The following RABGEF1 variants were observed in gnomAD, a reference collection of about 807,000 sequenced individuals.
RABGEF1 encodes the protein rab5 GDP/GTP exchange factor.
RABGEF1 carries 26 observed loss-of-function variants against 57.3 expected under a neutral mutation model. The observed-to-expected ratio is 0.45, with a 90% CI of 0.33 to 0.63. RABGEF1 has a LOEUF of 0.63. RABGEF1 is among the 20% of genes least tolerant of loss of function. RABGEF1 has a pLI of 0.02. For synonymous variants in RABGEF1, 185 were observed against 210.7 expected, an observed-to-expected ratio of 0.88 and a Z score of 1.06; for missense variants, 464 against 607.6, an observed-to-expected ratio of 0.76 and a Z score of 2.48.
At chr7:66,793,494 G>A (rs544453721) in intron 4 of RABGEF1, among the ~76,000 whole-genome samples, 4 of 151,968 alleles carry the variant, frequency 2.6e-5, no homozygotes, top group East Asian at 1.9e-4. Flanking sequence ...TTTATTTTTG[G>A]GTTAGGAATG....
intron 4 of RABGEF1, among the ~76,000 whole-genome samples, chr7:66,791,093 A>AT (rs1476916378): frequency 3.3e-5 from 5 of 152,228 alleles, no homozygotes; most frequent in Non-Finnish European, 7.3e-5. Context: ...GCTAAAAATA[A>AT]TTTCATGATG....
At chr7:66,679,255 G>C (rs1325896875), upstream of RABGEF1, among the ~76,000 whole-genome samples, 1 of 152,136 alleles carries the variant, frequency 6.6e-6, no homozygotes, top group Non-Finnish European at 1.5e-5. Context: ...CTTTTATTCA[G>C]GTCACCTCAC....
intron 1 of RABGEF1, among the ~76,000 whole-genome samples, chr7:66,745,819 G>A (rs1200431877): frequency 6.6e-6 from 1 of 151,788 alleles, no homozygotes; most frequent in East Asian, 1.9e-4. Context: ...TTTCAGGCTG[G>A]TGCAGTGGCT....
chr7:66,745,263 T>TA (rs961817184), intron 1 of RABGEF1, among the ~76,000 whole-genome samples: 1 of 152,218 alleles, frequency 6.6e-6, no homozygotes, highest in African/African-American at 2.4e-5. Flanking sequence ...TCTGTTTACT[T>TA]ATGTGAGTCT....
At chr7:66,736,325 T>C (rs1797939104), upstream of RABGEF1, among the ~76,000 whole-genome samples, 1 of 152,198 alleles carries the variant, frequency 6.6e-6, no homozygotes, top group African/African-American at 2.4e-5. Flanking sequence ...AATGTTCCTT[T>C]AGCAAAAGTC....
chr7:66,763,149 C>T (rs1485485301), intron 1 of RABGEF1, among the ~76,000 whole-genome samples: 4 of 152,202 alleles, frequency 2.6e-5, no homozygotes, highest in Non-Finnish European at 5.9e-5. Flanking sequence ...AGGCGTGAGC[C>T]ATTGCCCCTA....
the RABGEF1 span, among the ~76,000 whole-genome samples, chr7:66,670,433 ATTTTTTTTTTTTTTT>A: frequency 1.0e-4 from 12 of 116,054 alleles, no homozygotes; most frequent in South Asian, 3.2e-4. Flanking sequence ...GAATGAGATG[ATTTTTTTTTTTTTTT>A]TTTTTTTTTT....
intron 1 of RABGEF1, among the ~76,000 whole-genome samples, chr7:66,686,798 T>C (rs948027360): frequency 1.3e-5 from 2 of 151,984 alleles, no homozygotes; most frequent in African/African-American, 4.8e-5. Flanking sequence ...AGTCTAATTT[T>C]TATTTATAGT....
chr7:66,673,057 C>T, the RABGEF1 span, among the ~76,000 whole-genome samples: 93,988 of 122,910 alleles, frequency 0.76, 36,749 homozygotes, highest in African/African-American at 0.89. Flanking sequence ...TGGGGAGGGG[C>T]TCTGGGTTTG....
intron 4 of RABGEF1, among the ~76,000 whole-genome samples, chr7:66,794,427 A>T (rs1205990604): frequency 4.6e-5 from 7 of 151,846 alleles, no homozygotes; most frequent in Non-Finnish European, 1.0e-4. Flanking sequence ...GAGCACTGGG[A>T]TTACAGTTAT....
intron 2 of RABGEF1, among the ~76,000 whole-genome samples, chr7:66,728,573 C>T (rs1228520718): frequency 4.1e-5 from 2 of 49,312 alleles, no homozygotes; most frequent in Non-Finnish European, 8.0e-5. Context: ...TCCACCATCA[C>T]CTCCATCCTT....
At chr7:66,807,830 T>C (rs983774263) in intron 8 of RABGEF1, 4 of 152,202 alleles carry the variant, frequency 2.6e-5, no homozygotes, top group African/African-American at 9.7e-5. Flanking sequence ...TTTATTCCTT[T>C]TTTCTAGAGA....
At chr7:66,701,561 T>A (rs1043500225) in intron 1 of RABGEF1, among the ~76,000 whole-genome samples, 1 of 149,154 alleles carries the variant, frequency 6.7e-6, no homozygotes, top group Non-Finnish European at 1.5e-5. Flanking sequence ...CAGGCTGGAG[T>A]GCAATGGTGT....
the RABGEF1 span, among the ~76,000 whole-genome samples, chr7:66,673,801 C>CT: frequency 4.0e-4 from 61 of 151,812 alleles, no homozygotes; most frequent in African/African-American, 1.3e-3. Context: ...GACACTTGAG[C>CT]CCAGGAGTTA....
intron 4 of RABGEF1, among the ~76,000 whole-genome samples, chr7:66,790,556 C>T (rs929355882): frequency 1.3e-5 from 2 of 152,220 alleles, no homozygotes; most frequent in African/African-American, 2.4e-5. Flanking sequence ...GCATGGGCAG[C>T]CCCTTAGCGC....
intron 1 of RABGEF1, among the ~76,000 whole-genome samples, chr7:66,686,082 C>G (rs1043633132): frequency 1.3e-5 from 2 of 152,046 alleles, no homozygotes; most frequent in African/African-American, 4.8e-5. Context: ...AGTTAGAGAC[C>G]AGCCTGGATC....
At chr7:66,798,197 C>T (rs1206854215) in intron 6 of RABGEF1, among the ~76,000 whole-genome samples, 1 of 152,176 alleles carries the variant, frequency 6.6e-6, no homozygotes, top group Non-Finnish European at 1.5e-5. Context: ...CTAGTCACAT[C>T]TTTCACTGGC....
rs1802927365 is a variant in RABGEF1, at chr7:66,757,166, G to A, written c.-17-14717G>A. Among the ~76,000 whole-genome samples, 2 of 152,122 alleles carry A rather than the reference G, an allele frequency of 1.3e-5. 1 individual carries two copies. Among genetic ancestry groups the A allele is most frequent in the South Asian group, 4.1e-4 (2 of 4,834 alleles). On this transcript the variant is annotated intron_variant, in intron 1 of 8. Transcript: ENST00000284957. ...CATTTATTTTCACACATTATGTTAA[G>A]TATATTTCCATATTTTTATGTGGAT...
intron 1 of RABGEF1, among the ~76,000 whole-genome samples, chr7:66,704,309 T>A (rs1032171205): frequency 4.6e-5 from 7 of 152,226 alleles, no homozygotes; most frequent in South Asian, 2.1e-4. Flanking sequence ...TTTAAAAAAA[T>A]TTCAGAGTTC....
Sources: gnomAD v4.1 joint callset for allele counts (sites outside exome capture counted in the v4.1 genomes callset) on GRCh38, gnomAD v4.1.1 for gene constraint, MANE v1.5 for transcripts, NCBI Gene and HGNC (gene_info 2026-07-23, HGNC 2026-07-21) for gene names.